The following CDH20 variants were observed in gnomAD, a reference collection of about 807,000 sequenced individuals.
The protein encoded by CDH20 is cadherin-20.
CDH20 carries 29 observed loss-of-function variants against 74.2 expected under a neutral mutation model. The observed-to-expected ratio is 0.39, with a 90% CI of 0.29 to 0.53. The LOEUF (loss-of-function observed/expected upper bound fraction) is 0.53. Among genes scored for constraint, CDH20 ranks in the 20% least tolerant of loss-of-function variants. The probability of loss-of-function intolerance (pLI) is 0.69; values close to 1 mark genes in which losing one functional copy is unlikely to be tolerated. For synonymous variants in CDH20, 469 were observed against 405.4 expected, an observed-to-expected ratio of 1.16 and a Z score of -1.88; for missense variants, 988 against 1,048.3, an observed-to-expected ratio of 0.94 and a Z score of 0.79.
intron 1 of CDH20, among the ~76,000 whole-genome samples, chr18:61,452,359 G>A (rs73449413): frequency 0.016 from 2,360 of 152,138 alleles, 63 homozygotes; most frequent in African/African-American, 0.053. Flanking sequence ...TAAAAAGAGC[G>A]GTTACAAACC....
intron 2 of CDH20, among the ~76,000 whole-genome samples, chr18:61,493,576 C>T (rs1313907843): frequency 3.3e-5 from 5 of 152,194 alleles, no homozygotes; most frequent in Admixed American, 6.5e-5. Flanking sequence ...ACACATACCA[C>T]GTTTGTCCCT....
chr18:61,453,188 G>A lies in CDH20; in HGVS notation c.-152-37214G>A, dbSNP rs956170399. ...CACCTCCACTCACTCCTTAATCCTT[G>A]GCAACTATTAATCTGACCTCCATTT... On this transcript the variant is annotated intron_variant, in intron 1 of 11. Transcript: ENST00000262717. 4.6e-5 allele frequency among the ~76,000 whole-genome samples: 7 copies of A among 152,116 alleles called. No homozygotes were observed. In the East Asian group the frequency reaches 1.2e-3, roughly 25 times the overall value.
chr18:61,387,807 T>C (rs1248847165), intron 1 of CDH20, among the ~76,000 whole-genome samples: 1 of 152,152 alleles, frequency 6.6e-6, no homozygotes, highest in Non-Finnish European at 1.5e-5. Flanking sequence ...AACTCAATGC[T>C]TGTCCACGGT....
At chr18:61,505,853 T>C (rs182186535) in intron 5 of CDH20, among the ~76,000 whole-genome samples, 4 of 152,222 alleles carry the variant, frequency 2.6e-5, no homozygotes, top group African/African-American at 9.7e-5. Context: ...AACTTTGCAT[T>C]CTCTCTTCAT....
At chr18:61,502,423 A>G (rs1308737899) in intron 4 of CDH20, among the ~76,000 whole-genome samples, 1 of 152,202 alleles carries the variant, frequency 6.6e-6, no homozygotes. Flanking sequence ...AACAACAGGA[A>G]AATCCAATTA....
rs9957871 is a variant in CDH20 at position 61,515,185 on chromosome 18, C to T, written c.1017+7625C>T. Among the ~76,000 whole-genome samples the T allele has an allele frequency of 7.8e-3, 1,192 of 152,224 alleles. 15 individuals carry two copies. Among genetic ancestry groups the T allele is most frequent in the African/African-American group, 0.027 (1,124 of 41,548 alleles). Reference sequence around the variant, plus strand: ...GGCCTAGGACCCTCGGAGCCAGGTGCGGGATATAATCTCGTGGTGCGCCAT... The same window carrying T: ...GGCCTAGGACCCTCGGAGCCAGGTGTGGGATATAATCTCGTGGTGCGCCAT... On this transcript the variant is annotated intron_variant, in intron 6 of 11. Coordinates refer to ENST00000262717, the MANE Select transcript of CDH20 (RefSeq NM_031891.4).
chr18:61,408,199 G>C (rs56854909), intron 1 of CDH20, among the ~76,000 whole-genome samples: 4,384 of 152,094 alleles, frequency 0.029, 215 homozygotes, highest in African/African-American at 0.1. Flanking sequence ...AAGATAGGAG[G>C]CTAATGAAAA....
chr18:61,522,305 C>A (rs1467960632), intron 6 of CDH20, among the ~76,000 whole-genome samples: 1 of 152,182 alleles, frequency 6.6e-6, no homozygotes, highest in Non-Finnish European at 1.5e-5. Flanking sequence ...TGAGTGAACT[C>A]TCATTCACAA....
chr18:61,437,995 C>A (rs1908892684), intron 1 of CDH20, among the ~76,000 whole-genome samples: 1 of 152,082 alleles, frequency 6.6e-6, no homozygotes, highest in South Asian at 2.1e-4. Flanking sequence ...AGGATTTGAG[C>A]AGTACAGCAA....
intron 1 of CDH20, among the ~76,000 whole-genome samples, chr18:61,470,749 T>C (rs1910142943): frequency 6.6e-6 from 1 of 152,170 alleles, no homozygotes. Flanking sequence ...GGTATATACG[T>C]TTTAGTACTA....
chr18:61,367,558 T>A (rs1238580608), intron 1 of CDH20, among the ~76,000 whole-genome samples: 1 of 152,144 alleles, frequency 6.6e-6, no homozygotes, highest in Non-Finnish European at 1.5e-5. Flanking sequence ...TTTCCCAATC[T>A]CTAGATGCTG....
At chr18:61,512,299 G>A (rs543107542) in intron 6 of CDH20, among the ~76,000 whole-genome samples, 1 of 152,232 alleles carries the variant, frequency 6.6e-6, no homozygotes, top group African/African-American at 2.4e-5. Context: ...GAATAAGCAT[G>A]ATGTACCATT....
chr18:61,489,515 C>G (rs1267627548), intron 1 of CDH20, among the ~76,000 whole-genome samples: 2 of 151,550 alleles, frequency 1.3e-5, no homozygotes, highest in Non-Finnish European at 2.9e-5. Flanking sequence ...TTGATGAGGC[C>G]ATAGCCCAGA....
At chr18:61,369,553 C>G (rs893754407) in intron 1 of CDH20, among the ~76,000 whole-genome samples, 1 of 152,008 alleles carries the variant, frequency 6.6e-6, no homozygotes, top group South Asian at 2.1e-4. Context: ...ACCCAGGAGT[C>G]TTGTTACTGG....
intron 1 of CDH20, among the ~76,000 whole-genome samples, chr18:61,384,457 T>C (rs796083454): frequency 3.3e-5 from 5 of 152,312 alleles, no homozygotes; most frequent in East Asian, 1.9e-4. Flanking sequence ...CAGTGTGCTG[T>C]CTTACAATGT....
chr18:61,352,527 A>G (rs1161989600), intron 1 of CDH20, among the ~76,000 whole-genome samples: 3 of 152,182 alleles, frequency 2.0e-5, no homozygotes, highest in Non-Finnish European at 4.4e-5. Context: ...ACTAATTATT[A>G]CAGCATTCAG....
intron 1 of CDH20, among the ~76,000 whole-genome samples, chr18:61,432,131 C>T (rs1366583935): frequency 2.6e-5 from 4 of 151,322 alleles, no homozygotes; most frequent in Non-Finnish European, 4.4e-5. Flanking sequence ...GCCTGTAATC[C>T]CAGCTACTCG....
intron 11 of CDH20, among the ~76,000 whole-genome samples, chr18:61,552,999 A>G (rs1913489235): frequency 6.6e-6 from 1 of 152,192 alleles, no homozygotes; most frequent in Admixed American, 6.5e-5. Flanking sequence ...GAAAATACAC[A>G]TGAGCGTATC....
At chr18:61,527,018 T>C (rs968965020) in intron 6 of CDH20, among the ~76,000 whole-genome samples, 1 of 152,108 alleles carries the variant, frequency 6.6e-6, no homozygotes, top group Non-Finnish European at 1.5e-5. Flanking sequence ...CTGTCTCTAC[T>C]AAAAATGCAA....
Sources: allele counts gnomAD v4.1 joint callset (sites outside exome capture counted in the v4.1 genomes callset), GRCh38; gene constraint gnomAD v4.1.1; transcripts MANE v1.5; gene names NCBI Gene and HGNC (gene_info 2026-07-23, HGNC 2026-07-21).